The following LNPK variants were observed in gnomAD, a reference collection of about 807,000 sequenced individuals.
LNPK encodes the protein endoplasmic reticulum junction formation protein lunapark.
Under a neutral mutation model 55.2 loss-of-function variants are expected in LNPK, and 29 were observed. That is an observed-to-expected ratio of 0.53 (90% confidence interval 0.39 to 0.72). LNPK has a LOEUF of 0.72. Among genes scored for constraint, LNPK ranks in the 30% least tolerant of loss-of-function variants. The pLI, the probability that LNPK is intolerant of heterozygous loss-of-function variation, is 0.00. For synonymous variants in LNPK, 162 were observed against 168.2 expected (o/e 0.96, Z 0.29); for missense variants, 467 against 494.8 (o/e 0.94, Z 0.53).
chr2:175,980,629 G>A (rs1687125370), intron 4 of LNPK, among the ~76,000 whole-genome samples: 1 of 152,114 alleles, frequency 6.6e-6, no homozygotes, highest in Admixed American at 6.5e-5. Context: ...ACATAAGGCT[G>A]GGCACGGTGG....
chr2:175,956,969 A>C (rs1285135347), intron 8 of LNPK, among the ~76,000 whole-genome samples: 1 of 152,298 alleles, frequency 6.6e-6, no homozygotes, highest in Non-Finnish European at 1.5e-5. Flanking sequence ...CATTTTAAGT[A>C]GCCTTTAGAG....
At chr2:175,935,277 T>C (rs554799482) in intron 12 of LNPK, among the ~76,000 whole-genome samples, 7 of 152,290 alleles carry the variant, frequency 4.6e-5, no homozygotes, top group African/African-American at 1.4e-4. Context: ...CAGAAAAGTT[T>C]TTTTTTCAGA....
intron 9 of LNPK, among the ~76,000 whole-genome samples, chr2:175,943,981 G>A (rs763813346): frequency 6.6e-6 from 1 of 152,068 alleles, no homozygotes; most frequent in African/African-American, 2.4e-5. Flanking sequence ...AAAGGGAGAA[G>A]TAGAATTTTC....
chr2:175,952,462 G>A (rs1685472013), intron 8 of LNPK, among the ~76,000 whole-genome samples: 1 of 151,800 alleles, frequency 6.6e-6, no homozygotes, highest in African/African-American at 2.4e-5. Flanking sequence ...TTATTTGAAT[G>A]TAATTCCTTT....
At chr2:175,944,733 A>T (rs1448735164) in intron 9 of LNPK, among the ~76,000 whole-genome samples, 1 of 152,194 alleles carries the variant, frequency 6.6e-6, no homozygotes, top group Non-Finnish European at 1.5e-5. Flanking sequence ...CAAGTATTCA[A>T]GATGGCTTTA....
intron 8 of LNPK, among the ~76,000 whole-genome samples, chr2:175,949,426 G>T (rs2105571470): frequency 6.6e-6 from 1 of 152,082 alleles, no homozygotes; most frequent in Admixed American, 6.6e-5. Context: ...TTAAAAATAA[G>T]GCATCAAATA....
intron 5 of LNPK, among the ~76,000 whole-genome samples, chr2:175,974,845 GT>G (rs1427563584): frequency 2.6e-5 from 4 of 151,764 alleles, no homozygotes; most frequent in Admixed American, 2.6e-4. Context: ...AAATGAATTA[GT>G]ACAATTAAAA....
intron 8 of LNPK, among the ~76,000 whole-genome samples, chr2:175,955,568 T>C (rs1685652718): frequency 6.6e-6 from 1 of 152,244 alleles, no homozygotes; most frequent in Non-Finnish European, 1.5e-5. Flanking sequence ...TTGATACTTA[T>C]GTAAAGAACA....
At chr2:175,949,732 A>G (rs768944986) in intron 8 of LNPK, among the ~76,000 whole-genome samples, 6 of 152,110 alleles carry the variant, frequency 3.9e-5, no homozygotes, top group Non-Finnish European at 8.8e-5. Context: ...TAAATTTAGG[A>G]AAAGGGGGAA....
intron 1 of LNPK, among the ~76,000 whole-genome samples, chr2:175,998,720 AT>A (rs1207674732): frequency 6.6e-6 from 1 of 152,172 alleles, no homozygotes; most frequent in East Asian, 1.9e-4. Context: ...GTGTAACCCA[AT>A]TCCTTTATTT....
intron 8 of LNPK, among the ~76,000 whole-genome samples, chr2:175,948,438 A>G (rs1477856369): frequency 6.6e-6 from 1 of 152,232 alleles, no homozygotes; most frequent in East Asian, 1.9e-4. Flanking sequence ...TTAGAAGAGT[A>G]GAGTAGTTGC....
At chr2:175,944,662 T>C (rs961779017) in intron 9 of LNPK, among the ~76,000 whole-genome samples, 1 of 152,152 alleles carries the variant, frequency 6.6e-6, no homozygotes, top group Non-Finnish European at 1.5e-5. Flanking sequence ...TGGAACCCTG[T>C]TGGAAGATGC....
chr2:175,953,259 C>G (rs1295035936), intron 8 of LNPK, among the ~76,000 whole-genome samples: 1 of 152,036 alleles, frequency 6.6e-6, no homozygotes, highest in African/African-American at 2.4e-5. Flanking sequence ...TGCTCTTACT[C>G]TATTTTCTCT....
intron 9 of LNPK, among the ~76,000 whole-genome samples, chr2:175,945,510 G>GAAAAAAAAAA (rs758611547): frequency 1.9e-5 from 2 of 105,084 alleles, no homozygotes; most frequent in Non-Finnish European, 3.8e-5. Flanking sequence ...TGTCTCAAAA[G>GAAAAAAAAAA]AAAAAAAAAA....
chr2:175,990,172 CAGTGTT>C (rs1373505516), intron 4 of LNPK, among the ~76,000 whole-genome samples: 8 of 152,158 alleles, frequency 5.3e-5, no homozygotes, highest in South Asian at 2.1e-4. Flanking sequence ...ATTTGTCCCC[CAGTGTT>C]GGAGGTGGGG....
intron 1 of LNPK, among the ~76,000 whole-genome samples, chr2:176,000,632 T>C (rs2105378736): frequency 6.6e-6 from 1 of 152,342 alleles, no homozygotes; most frequent in South Asian, 2.1e-4. Context: ...TGTAGGTCTT[T>C]GAAGGAAACA....
intron 8 of LNPK, among the ~76,000 whole-genome samples, chr2:175,953,822 A>T (rs1204493658): frequency 6.6e-6 from 1 of 151,986 alleles, no homozygotes; most frequent in Non-Finnish European, 1.5e-5. Flanking sequence ...TTGATGTAAA[A>T]TTCAAAGCCT....
At chr2:175,975,212 T>C (rs116831041) in intron 5 of LNPK, among the ~76,000 whole-genome samples, 1,648 of 152,248 alleles carry the variant, frequency 0.011, 50 homozygotes, top group South Asian at 0.05. Context: ...TGGTAAAATA[T>C]TAAAAGTTTT....
intron 1 of LNPK, among the ~76,000 whole-genome samples, chr2:175,995,960 G>A (rs1423723796): frequency 4.0e-5 from 6 of 151,630 alleles, no homozygotes; most frequent in Non-Finnish European, 4.4e-5. Context: ...CTACAGGTGC[G>A]CACCACTATG....
Sources: allele counts gnomAD v4.1 joint callset (sites outside exome capture counted in the v4.1 genomes callset), GRCh38; gene constraint gnomAD v4.1.1; transcripts MANE v1.5; gene names NCBI Gene and HGNC (gene_info 2026-07-23, HGNC 2026-07-21).